GREM2: variants seen among roughly 807,000 people sequenced by gnomAD.
GREM2 encodes the protein gremlin 2, DAN family BMP antagonist.
A neutral mutation model predicts 14.2 loss-of-function variants in GREM2; 11 were observed. The ratio of observed to expected loss-of-function variants is 0.78; its 90% CI spans 0.49 to 1.28. The LOEUF (loss-of-function observed/expected upper bound fraction) is 1.28, where lower values mean the gene tolerates loss of function less well. GREM2 is among the 50% of genes most tolerant of loss of function. The probability of loss-of-function intolerance (pLI) is 0.00; values close to 1 mark genes in which losing one functional copy is unlikely to be tolerated. For missense variants in GREM2, 210 were observed against 218.5 expected (o/e 0.96, Z 0.24); for synonymous variants, 98 against 97.6 (o/e 1.00, Z -0.02).
intron 1 of GREM2, among the ~76,000 whole-genome samples, chr1:240,598,359 C>T (rs1163264191): frequency 6.6e-6 from 1 of 152,136 alleles, no homozygotes; most frequent in African/African-American, 2.4e-5. Flanking sequence ...CACTGATAAT[C>T]TGGGAAAATG....
chr1:240,529,604 A>G (rs1304806973), intron 1 of GREM2, among the ~76,000 whole-genome samples: 1 of 152,144 alleles, frequency 6.6e-6, no homozygotes, highest in African/African-American at 2.4e-5. Context: ...AACAGAAACA[A>G]CTTAAGTTTG....
intron 1 of GREM2, among the ~76,000 whole-genome samples, chr1:240,545,442 G>A (rs188531452): frequency 9.3e-6 from 1 of 107,586 alleles, no homozygotes; most frequent in East Asian, 2.9e-4. Context: ...GTTTCCCTGA[G>A]TTCGGTGTGC....
chr1:240,582,981 A>G (rs1308500965), intron 1 of GREM2, among the ~76,000 whole-genome samples: 1 of 152,178 alleles, frequency 6.6e-6, no homozygotes, highest in Non-Finnish European at 1.5e-5. Context: ...GATTTGCTTG[A>G]CTAAAACCTC....
chr1:240,508,308 T>TCAAA (rs370569358), intron 1 of GREM2, among the ~76,000 whole-genome samples: 24 of 152,358 alleles, frequency 1.6e-4, no homozygotes, highest in African/African-American at 5.0e-4. Context: ...TTGCTCATAT[T>TCAAA]CAAACAGCCA....
intron 1 of GREM2, among the ~76,000 whole-genome samples, chr1:240,523,595 ATGTAT>A (rs1439077678): frequency 6.6e-6 from 1 of 152,156 alleles, no homozygotes; most frequent in Non-Finnish European, 1.5e-5. Context: ...CATTCATTAA[ATGTAT>A]TGTAAGAATT....
intron 1 of GREM2, among the ~76,000 whole-genome samples, chr1:240,508,702 A>T (rs887381194): frequency 6.6e-6 from 1 of 152,196 alleles, no homozygotes; most frequent in Non-Finnish European, 1.5e-5. Context: ...TTAACAATCT[A>T]TTACTTGTAT....
At chr1:240,575,950 T>C (rs892918857) in intron 1 of GREM2, among the ~76,000 whole-genome samples, 1 of 150,290 alleles carries the variant, frequency 6.7e-6, no homozygotes, top group African/African-American at 2.4e-5. Flanking sequence ...AAATCTTACT[T>C]GTTAAATTAC....
intron 1 of GREM2, among the ~76,000 whole-genome samples, chr1:240,538,539 C>CAAA (rs199860876): frequency 6.9e-6 from 1 of 145,642 alleles, no homozygotes; most frequent in Admixed American, 6.9e-5. Flanking sequence ...TTTGTCTCTC[C>CAAA]AAAAAAAAAT....
intron 1 of GREM2, among the ~76,000 whole-genome samples, chr1:240,595,257 A>G (rs61833682): frequency 0.017 from 2,584 of 152,128 alleles, 46 homozygotes; most frequent in Middle Eastern, 0.037. Context: ...ACTTGAACCC[A>G]GGAGGTGGAG....
At chr1:240,568,608 T>C (rs1208574061) in intron 1 of GREM2, among the ~76,000 whole-genome samples, 1 of 151,860 alleles carries the variant, frequency 6.6e-6, no homozygotes, top group Non-Finnish European at 1.5e-5. Context: ...CTAAAATAGG[T>C]TAAAAGTAAA....
intron 1 of GREM2, among the ~76,000 whole-genome samples, chr1:240,584,249 C>G (rs1662945655): frequency 1.3e-5 from 2 of 151,958 alleles, no homozygotes; most frequent in Non-Finnish European, 2.9e-5. Flanking sequence ...AATCCCAGCC[C>G]TTTGGGAGGC....
intron 1 of GREM2, among the ~76,000 whole-genome samples, chr1:240,510,231 G>A (rs943841916): frequency 3.9e-5 from 6 of 151,958 alleles, no homozygotes; most frequent in South Asian, 2.1e-4. Context: ...TGAGCCGGGC[G>A]TGGTGGCGGG....
intron 1 of GREM2, among the ~76,000 whole-genome samples, chr1:240,498,812 G>C (rs1478227893): frequency 6.6e-6 from 1 of 152,208 alleles, no homozygotes; most frequent in Non-Finnish European, 1.5e-5. Flanking sequence ...TATTTGGCTT[G>C]TATCAGAAGA....
At chr1:240,515,790 A>G (rs1677941119) in intron 1 of GREM2, among the ~76,000 whole-genome samples, 1 of 152,166 alleles carries the variant, frequency 6.6e-6, no homozygotes, top group Non-Finnish European at 1.5e-5. Context: ...TGAGGGAAAC[A>G]ATGTGTGGTT....
At chr1:240,593,930 A>G (rs569476587) in intron 1 of GREM2, among the ~76,000 whole-genome samples, 1 of 151,798 alleles carries the variant, frequency 6.6e-6, no homozygotes, top group Non-Finnish European at 1.5e-5. Context: ...AGTTTGGGTG[A>G]TTTATTTAAT....
chr1:240,505,403 CTTCT>C (rs544346942), intron 1 of GREM2, among the ~76,000 whole-genome samples: 73 of 152,126 alleles, frequency 4.8e-4, no homozygotes, highest in Non-Finnish European at 7.9e-4. Context: ...TGAGCCCTGT[CTTCT>C]TTCTAGGAAA....
chr1:240,528,072 G>A (rs193112797), intron 1 of GREM2, among the ~76,000 whole-genome samples: 79 of 152,168 alleles, frequency 5.2e-4, no homozygotes, highest in Middle Eastern at 3.4e-3. Context: ...CTATGTGCCC[G>A]GCACTGTGCT....
In GREM2 at chr1:240,493,221, C is replaced by T. The variant is rs145943125; in HGVS notation, c.255G>A (p.Glu85=). ...TQPLRQTVSE[E]GCRSRTILNR... ...TGAGGATGGTGCGGCTCCGGCAGCC[C>T]TCCTCGCTCACCGTCTGCCGCAGCG... The change falls in exon 2 of 2, where the codon GAG becomes GAA. Residue 85 remains glutamate (E), a synonymous_variant. Transcript: ENST00000318160. 1.7e-5 allele frequency: 27 copies of T among 1,613,922 alleles called. No homozygotes were observed. The African/African-American group carries it at 3.3e-4, about 20-fold the overall frequency.
intron 1 of GREM2, 48 bp downstream of exon 1, chr1:240,611,836 A>G (rs1005380493): frequency 1.6e-4 from 24 of 152,780 alleles, no homozygotes; most frequent in African/African-American, 5.8e-4. Flanking sequence ...GTGAAGGTAG[A>G]AATCAGAAAC....
Sources: allele counts gnomAD v4.1 joint callset (sites outside exome capture counted in the v4.1 genomes callset), GRCh38; gene constraint gnomAD v4.1.1; transcripts MANE v1.5; gene names NCBI Gene and HGNC (gene_info 2026-07-23, HGNC 2026-07-21).